Variants in ATP2B4 observed in about 807,000 individuals in gnomAD.
ATP2B4 encodes plasma membrane calcium-transporting ATPase 4.
ATP2B4 carries 39 observed loss-of-function variants against 110.3 expected under a neutral mutation model. That is an observed-to-expected ratio of 0.35 (90% CI 0.27 to 0.46). The LOEUF is 0.46. Among genes scored for constraint, ATP2B4 ranks in the 20% least tolerant of loss-of-function variants. The pLI is 1.00. For missense variants in ATP2B4, 1,135 were observed against 1,530.9 expected, an observed-to-expected ratio of 0.74 and a Z score of 4.32; for synonymous variants, 538 against 571.7, an observed-to-expected ratio of 0.94 and a Z score of 0.84.
intron 1 of ATP2B4, among the ~76,000 whole-genome samples, chr1:203,652,093 A>G (rs1382428170): frequency 6.6e-6 from 1 of 151,000 alleles, no homozygotes; most frequent in Non-Finnish European, 1.5e-5. Context: ...TTTAGAGACA[A>G]ACAAAAACAG....
chr1:203,672,751 C>T (rs934391669), intron 1 of ATP2B4, among the ~76,000 whole-genome samples: 1 of 152,148 alleles, frequency 6.6e-6, no homozygotes, highest in African/African-American at 2.4e-5. Context: ...TGTATGGGCC[C>T]CAGCATCGCT....
At chr1:203,738,465 G>A (rs1016171953) in intron 20 of ATP2B4, among the ~76,000 whole-genome samples, 5 of 152,120 alleles carry the variant, frequency 3.3e-5, no homozygotes, top group Non-Finnish European at 7.4e-5. Context: ...TCCTTTTTGC[G>A]CAGTAAGACA....
In ATP2B4 at chr1:203,703,164, CGAGAGAGAGA is replaced by C. The variant is rs144760902; in HGVS notation, c.938-463_938-454del. On this transcript the variant is annotated intron_variant, in intron 7 of 20. Transcript: ENST00000357681. ...GGGTATGTGTTTCTTCCCTGACAATCGAGAGAGAGAGAGAGAGAGAGAGAGAGAGAGAGAT... is the reference window on the plus strand; with the variant it reads ...GGGTATGTGTTTCTTCCCTGACAATCGAGAGAGAGAGAGAGAGAGAGAGAT... Among the ~76,000 whole-genome samples the C allele has an allele frequency of 1.4e-3, 199 of 145,236 alleles. 1 individual carries two copies. The highest frequency in any genetic ancestry group is 1.8e-3 in the Non-Finnish European group (121 of 65,536).
At chr1:203,728,372 T>C in intron 20 of ATP2B4, 1 of 317,678 alleles carries the variant, frequency 3.1e-6, no homozygotes, top group Non-Finnish European at 6.2e-6. Flanking sequence ...CATTGATAAT[T>C]CTGTCTTCCC....
chr1:203,673,919 T>C (rs1664751156), intron 1 of ATP2B4, among the ~76,000 whole-genome samples: 1 of 152,152 alleles, frequency 6.6e-6, no homozygotes, highest in African/African-American at 2.4e-5. Flanking sequence ...CATGACATGA[T>C]TCTGCTGAAA....
chr1:203,736,063 A>G (rs1666869647), intron 20 of ATP2B4, among the ~76,000 whole-genome samples: 1 of 152,192 alleles, frequency 6.6e-6, no homozygotes, highest in Admixed American at 6.5e-5. Flanking sequence ...CCTCTTTCCC[A>G]TTCCAGATCT....
chr1:203,710,874 C>T lies in ATP2B4; in HGVS notation c.1800-3C>T. On this transcript the variant is annotated splice_region_variant and splice_polypyrimidine_tract_variant and intron_variant, in intron 11 of 20. Coordinates refer to ENST00000357681, the MANE Select transcript of ATP2B4 (RefSeq NM_001684.5). ...ACCGCGTTCTTACTGTGCGCCTCCC[C>T]AGGTGTAATCGAATCCTGGACCGGA... is the stretch of plus-strand genomic sequence containing the variant. 1.2e-6 allele frequency: 2 copies of T among 1,607,950 alleles called. No individual in the cohort carries two copies. The highest frequency in any genetic ancestry group is 1.7e-6 in the Non-Finnish European group (2 of 1,175,450).
At chr1:203,663,401 A>C (rs1221257554) in intron 1 of ATP2B4, among the ~76,000 whole-genome samples, 1 of 152,024 alleles carries the variant, frequency 6.6e-6, no homozygotes, top group Non-Finnish European at 1.5e-5. Context: ...TCTAGACCAC[A>C]AACTGTACTC....
chr1:203,683,734 C>T (rs1665091529), intron 2 of ATP2B4, among the ~76,000 whole-genome samples: 1 of 125,514 alleles, frequency 8.0e-6, no homozygotes, highest in South Asian at 2.6e-4. Context: ...AGTGCAGTGG[C>T]GTGATCATGG....
At position 203,710,884 on chromosome 1, in the gene ATP2B4, C is replaced by G; in HGVS notation, c.1807C>G (p.Arg603Gly). Residue 603 changes from arginine (R) to glycine (G), a missense_variant, in exon 12 of 21, where the codon CGA becomes GGA. Transcript: ENST00000357681. Reference protein sequence around the residue: ...ASEIILRKCNRILDRKGEAVP... With the variant: ...ASEIILRKCNGILDRKGEAVP... The stretch of plus-strand genomic sequence containing the variant: ...TACTGTGCGCCTCCCCAGGTGTAAT[C>G]GAATCCTGGACCGGAAAGGGGAAGC... 6.2e-7 allele frequency: 1 copy of G among 1,611,864 alleles called. No homozygotes were observed. Among genetic ancestry groups the G allele is most frequent in the Non-Finnish European group, 8.5e-7 (1 of 1,178,586 alleles).
intron 2 of ATP2B4, among the ~76,000 whole-genome samples, chr1:203,691,516 A>C (rs1023845628): frequency 6.6e-6 from 1 of 152,196 alleles, no homozygotes; most frequent in African/African-American, 2.4e-5. Context: ...TTTCAAAAAA[A>C]GGCCAAGAGC....
chr1:203,649,759 A>C (rs1207968253), intron 1 of ATP2B4, among the ~76,000 whole-genome samples: 2 of 152,126 alleles, frequency 1.3e-5, no homozygotes, highest in Non-Finnish European at 2.9e-5. Context: ...ATGCCACTGT[A>C]CTCCAGCCTG....
rs912443952 is a variant in ATP2B4 at position 203,683,027 on chromosome 1, A to G, written c.-179A>G. 8.3e-6 allele frequency: 5 copies of G among 599,170 alleles called. No individual in the cohort carries two copies. Among genetic ancestry groups the G allele is most frequent in the Admixed American group, 6.3e-5 (2 of 31,732 alleles). 37.1% of individuals were successfully genotyped at this position (599,170 alleles called of 1,614,324 possible). A position where few individuals can be genotyped will look rare whatever the true frequency, so the allele number is the denominator to read the frequency against. ...AGACTTCATACGGAAGAAAGGATCT[A>G]GACTTCGGACGGCTACTCGGGAGCT... On this transcript the variant is annotated 5_prime_UTR_variant, in exon 2 of 21. Transcript: ENST00000357681.
At chr1:203,641,446 AC>A (rs1417643472) in intron 1 of ATP2B4, among the ~76,000 whole-genome samples, 1 of 152,094 alleles carries the variant, frequency 6.6e-6, no homozygotes, top group Non-Finnish European at 1.5e-5. Context: ...GGTTGATTCA[AC>A]CCAACTACAT....
rs75905301 is a variant in ATP2B4, at chr1:203,697,612, G to T, written c.194-545G>T. On this transcript the variant is annotated intron_variant, in intron 2 of 20. Coordinates refer to ENST00000357681, the MANE Select transcript of ATP2B4 (RefSeq NM_001684.5). ...CATTTTGCCCATTTTTAGACTGAAAGTTCCACCCTCTCTAAGTCCTGGGCA... is the reference window on the plus strand; with the variant it reads ...CATTTTGCCCATTTTTAGACTGAAATTTCCACCCTCTCTAAGTCCTGGGCA... 3.4e-3 allele frequency among the ~76,000 whole-genome samples: 521 copies of T among 152,312 alleles called. 3 individuals are homozygous for T. The highest frequency in any genetic ancestry group is 0.012 in the African/African-American group (514 of 41,560).
chr1:203,735,563 G>A (rs1260950567), intron 20 of ATP2B4, among the ~76,000 whole-genome samples: 1 of 151,864 alleles, frequency 6.6e-6, no homozygotes, highest in African/African-American at 2.4e-5. Flanking sequence ...ACATGATCAC[G>A]GACTGTGTGG....
intron 7 of ATP2B4, among the ~76,000 whole-genome samples, chr1:203,702,732 G>A (rs138405684): frequency 4.5e-4 from 69 of 152,344 alleles, no homozygotes; most frequent in African/African-American, 1.6e-3. Context: ...GGTATCCTAA[G>A]CAAGGGGCTG....
At chr1:203,638,094 T>C (rs1663513104) in intron 1 of ATP2B4, among the ~76,000 whole-genome samples, 1 of 151,916 alleles carries the variant, frequency 6.6e-6, no homozygotes. Flanking sequence ...AACAGGATTT[T>C]AAAGAGAAAG....
chr1:203,732,630 G>A (rs191365872), intron 20 of ATP2B4, among the ~76,000 whole-genome samples: 61 of 152,124 alleles, frequency 4.0e-4, no homozygotes, highest in African/African-American at 1.3e-3. Flanking sequence ...ATACGTAGTC[G>A]GTTTAATTGA....
Sources: gnomAD v4.1 joint callset for allele counts (sites outside exome capture counted in the v4.1 genomes callset) on GRCh38, gnomAD v4.1.1 for gene constraint, MANE v1.5 for transcripts, NCBI Gene and HGNC (gene_info 2026-07-23, HGNC 2026-07-21) for gene names.